Variants in MAPK10 observed in about 807,000 individuals in gnomAD.
The protein encoded by MAPK10 is JNK3 alpha protein kinase.
A neutral mutation model predicts 59.3 loss-of-function variants in MAPK10; 25 were observed. That is an observed-to-expected ratio of 0.42 (90% CI 0.31 to 0.59). MAPK10 has a LOEUF of 0.59. MAPK10 is among the 20% of genes least tolerant of loss of function. The probability of loss-of-function intolerance (pLI) is 0.15; values close to 1 mark genes in which losing one functional copy is unlikely to be tolerated. For synonymous variants in MAPK10, 190 were observed against 200.5 expected (o/e 0.95, Z 0.44); for missense variants, 351 against 568.9 (o/e 0.62, Z 3.90).
intron 1 of MAPK10, among the ~76,000 whole-genome samples, chr4:86,490,738 T>C (rs1199081440): frequency 6.6e-6 from 1 of 152,178 alleles, no homozygotes; most frequent in Non-Finnish European, 1.5e-5. Context: ...TTCTAATTCA[T>C]ATGCTCAAAT....
intron 9 of MAPK10, among the ~76,000 whole-genome samples, chr4:86,071,295 C>G (rs893407790): frequency 6.8e-6 from 1 of 146,862 alleles, no homozygotes; most frequent in African/African-American, 2.6e-5. Flanking sequence ...GATATTAGCC[C>G]TTTGTCAGAT....
At chr4:86,087,543 C>T (rs1436521) in intron 9 of MAPK10, among the ~76,000 whole-genome samples, 68,903 of 151,834 alleles carry the variant, frequency 0.45, 16,399 homozygotes, top group African/African-American at 0.59. Context: ...AAATTATAGA[C>T]GTCATTTAAT....
chr4:86,351,756 C>T (rs889179807), intron 2 of MAPK10, among the ~76,000 whole-genome samples: 1 of 151,914 alleles, frequency 6.6e-6, no homozygotes, highest in Non-Finnish European at 1.5e-5. Flanking sequence ...CCTCTCTAAA[C>T]CTTGGTTTCC....
intron 1 of MAPK10, among the ~76,000 whole-genome samples, chr4:86,372,574 A>AAAG (rs1739063751): frequency 7.0e-6 from 1 of 142,528 alleles, no homozygotes; most frequent in African/African-American, 2.6e-5. Context: ...GAAAGAAAAG[A>AAAG]AAAGAAAAGA....
intron 2 of MAPK10, among the ~76,000 whole-genome samples, chr4:86,235,589 G>A (rs12504127): frequency 0.085 from 12,909 of 152,084 alleles, 1,185 homozygotes; most frequent in African/African-American, 0.23. Flanking sequence ...GTAGAAAGTC[G>A]CTCATCTTTT....
chr4:86,067,342 C>T (rs2046950293), intron 10 of MAPK10, among the ~76,000 whole-genome samples: 1 of 152,010 alleles, frequency 6.6e-6, no homozygotes, highest in Non-Finnish European at 1.5e-5. Context: ...CGCAGTTTCA[C>T]CATGTTGGCC....
chr4:86,363,911 T>C (rs1156913072), upstream of MAPK10, among the ~76,000 whole-genome samples: 1 of 151,704 alleles, frequency 6.6e-6, no homozygotes, highest in Non-Finnish European at 1.5e-5. Context: ...GCCTCCTGAG[T>C]AGCTGAGACT....
chr4:86,214,242 T>C (rs571728205), intron 2 of MAPK10, among the ~76,000 whole-genome samples: 1 of 151,762 alleles, frequency 6.6e-6, no homozygotes, highest in Non-Finnish European at 1.5e-5. Context: ...CTCAACACAA[T>C]AAGAACCATA....
chr4:86,227,994 G>C (rs1391999949), intron 2 of MAPK10, among the ~76,000 whole-genome samples: 1 of 152,172 alleles, frequency 6.6e-6, no homozygotes, highest in Non-Finnish European at 1.5e-5. Flanking sequence ...GAATGACCAG[G>C]GTAGGTCAGG....
At chr4:86,076,099 C>T (rs1298539304) in intron 9 of MAPK10, among the ~76,000 whole-genome samples, 3 of 152,100 alleles carry the variant, frequency 2.0e-5, no homozygotes, top group African/African-American at 4.8e-5. Flanking sequence ...TCTCGTGGTG[C>T]GCTGCTTTTT....
chr4:86,443,921 G>T (rs1293308660), intron 1 of MAPK10, among the ~76,000 whole-genome samples: 1 of 151,736 alleles, frequency 6.6e-6, no homozygotes, highest in Non-Finnish European at 1.5e-5. Context: ...GAAATTATAA[G>T]GAAGAATCCA....
At chr4:86,576,594 G>A (rs941793017) in intron 1 of MAPK10, among the ~76,000 whole-genome samples, 1 of 150,628 alleles carries the variant, frequency 6.6e-6, no homozygotes, top group South Asian at 2.1e-4. Flanking sequence ...CTAACACAGC[G>A]AAACCCCGTC....
At chr4:86,091,969 G>A (rs1035071784) in intron 9 of MAPK10, among the ~76,000 whole-genome samples, 1 of 152,030 alleles carries the variant, frequency 6.6e-6, no homozygotes, top group Non-Finnish European at 1.5e-5. Context: ...ACCATGCCTG[G>A]CCCAGTTGTT....
At chr4:86,374,276 G>A (rs1739418356) in intron 1 of MAPK10, among the ~76,000 whole-genome samples, 1 of 152,074 alleles carries the variant, frequency 6.6e-6, no homozygotes, top group South Asian at 2.1e-4. Flanking sequence ...GACTAGGGGA[G>A]GGATAGCATT....
intron 11 of MAPK10, among the ~76,000 whole-genome samples, chr4:86,060,283 T>G (rs999729005): frequency 1.3e-5 from 2 of 152,188 alleles, no homozygotes; most frequent in African/African-American, 4.8e-5. Context: ...CACATCTCCC[T>G]CTCCTGCTCC....
At chr4:86,121,877 C>A (rs538630071) in intron 4 of MAPK10, among the ~76,000 whole-genome samples, 2 of 152,222 alleles carry the variant, frequency 1.3e-5, no homozygotes, top group Admixed American at 6.5e-5. Flanking sequence ...CAGTCTCCCC[C>A]GCTTTTGGCC....
intron 2 of MAPK10, among the ~76,000 whole-genome samples, chr4:86,280,537 A>G (rs1274909827): frequency 6.6e-6 from 1 of 152,222 alleles, no homozygotes; most frequent in Non-Finnish European, 1.5e-5. Context: ...TGTGGACAGC[A>G]GCTTGGAGAT....
At chr4:86,059,749 G>A (rs140924856) in intron 11 of MAPK10, among the ~76,000 whole-genome samples, 4 of 152,052 alleles carry the variant, frequency 2.6e-5, no homozygotes, top group South Asian at 2.1e-4. Context: ...GGAGGATGTC[G>A]TGTGTCCTTA....
At position 86,011,189 on chromosome 4, in the gene MAPK10, G is replaced by T. The variant is rs1741407364; in HGVS notation, c.*6039C>A. 6.6e-6 allele frequency: 1 copy of T among 152,330 alleles called. No individual in the cohort carries two copies. The highest frequency in any genetic ancestry group is 1.9e-4 in the East Asian group (1 of 5,186). 9.4% of individuals were successfully genotyped at this position (152,330 alleles called of 1,614,324 possible). ...TTAAACAGACTACAATGATGTAAATGGTTGAACAGTTGAAATTTAGTCTGG... is the reference window on the plus strand; with the variant it reads ...TTAAACAGACTACAATGATGTAAATTGTTGAACAGTTGAAATTTAGTCTGG... On this transcript the variant is annotated 3_prime_UTR_variant, in exon 14 of 14. Transcript: ENST00000641462.
Sources: gnomAD v4.1 joint callset for allele counts (sites outside exome capture counted in the v4.1 genomes callset) on GRCh38, gnomAD v4.1.1 for gene constraint, MANE v1.5 for transcripts, NCBI Gene and HGNC (gene_info 2026-07-23, HGNC 2026-07-21) for gene names.